Variants in ENPP1 observed in about 807,000 individuals in gnomAD.
The protein encoded by ENPP1 is ectonucleotide pyrophosphatase/phosphodiesterase family member 1.
Under a neutral mutation model 122.8 loss-of-function variants are expected in ENPP1, and 73 were observed. The ratio of observed to expected loss-of-function variants is 0.59; its 90% CI spans 0.49 to 0.72. The LOEUF is 0.72. Among genes scored for constraint, ENPP1 ranks in the 30% least tolerant of loss-of-function variants. The pLI, the probability that ENPP1 is intolerant of heterozygous loss-of-function variation, is 0.00. For synonymous variants in ENPP1, 367 were observed against 391.6 expected (o/e 0.94, Z 0.74); for missense variants, 978 against 1,128.1 (o/e 0.87, Z 1.91).
In ENPP1 at chr6:131,883,745, A is replaced by G; in HGVS notation, c.2282A>G (p.Asn761Ser). Residue 761 changes from asparagine (N) to serine (S), a missense_variant, in exon 22 of 25, where the codon AAT becomes AGT. Asn to Ser is a conservative substitution (Grantham distance 46). Coordinates refer to ENST00000647893, the MANE Select transcript of ENPP1 (RefSeq NM_006208.3). ...GIYSEALLTTNIVPMYQSFQV... is the reference protein window; with the variant it reads ...GIYSEALLTTSIVPMYQSFQV... ...TATTCTGAAGCTTTGCTTACTACAA[A>G]TATAGTGCCAATGTACCAGAGTTTT... 6.6e-7 allele frequency: 1 copy of G among 1,523,404 alleles called. No homozygotes were observed. Among genetic ancestry groups the G allele is most frequent in the Non-Finnish European group, 9.1e-7 (1 of 1,097,970 alleles). The allele number at this position is 1,523,404 out of a possible 1,614,324, so 94.4% of individuals were successfully genotyped here.
At chr6:131,871,091 C>T (rs1287589928) in intron 13 of ENPP1, among the ~76,000 whole-genome samples, 2 of 151,832 alleles carry the variant, frequency 1.3e-5, no homozygotes, top group African/African-American at 4.8e-5. Context: ...AAAAGCTCTA[C>T]AGGCAATAGC....
At chr6:131,881,443 A>G (rs1033931554) in intron 20 of ENPP1, among the ~76,000 whole-genome samples, 2 of 152,158 alleles carry the variant, frequency 1.3e-5, no homozygotes, top group Admixed American at 1.3e-4. Context: ...TATGTAATTA[A>G]AATGCATAAC....
rs1003655627 is a variant in ENPP1 at position 131,851,768 on chromosome 6, A to T, written c.557-407A>T. ...GATGTCTTGTCCAGGTATTATTATT[A>T]TTTTTTTTTCAAATTTCTTGACAGA... On this transcript the variant is annotated intron_variant, in intron 4 of 24. Transcript: ENST00000647893. Among the ~76,000 whole-genome samples, 60 of 151,088 alleles carry T rather than the reference A, an allele frequency of 4.0e-4. 1 individual carries two copies. The highest frequency in any genetic ancestry group is 6.2e-4 in the Non-Finnish European group (42 of 67,774).
intron 20 of ENPP1, among the ~76,000 whole-genome samples, chr6:131,881,945 G>C (rs1782315020): frequency 1.3e-5 from 2 of 152,060 alleles, no homozygotes; most frequent in South Asian, 2.1e-4. Flanking sequence ...CTTGAACCTG[G>C]GGGGCAGAGT....
At chr6:131,873,445 T>C (rs1011085000) in intron 15 of ENPP1, among the ~76,000 whole-genome samples, 1 of 152,188 alleles carries the variant, frequency 6.6e-6, no homozygotes. Flanking sequence ...ACAATCTACA[T>C]TTGTTACTGC....
Position 131,893,666 on chromosome 6 carries a change from A to G in ENPP1, c.*3155A>G, listed in dbSNP as rs755837236. 6.6e-6 allele frequency: 1 copy of G among 152,216 alleles called. No homozygotes were observed. The highest frequency in any genetic ancestry group is 1.5e-5 in the Non-Finnish European group (1 of 68,030). 9.4% of individuals were successfully genotyped at this position (152,216 alleles called of 1,614,324 possible). ...ATTCTATGCTGACTGTTAAGGAAAGAGCACCCACATCTGCTCCTACTTAGC... is the reference window on the plus strand; with the variant it reads ...ATTCTATGCTGACTGTTAAGGAAAGGGCACCCACATCTGCTCCTACTTAGC... On this transcript the variant is annotated 3_prime_UTR_variant, in exon 25 of 25. Transcript: ENST00000647893.
At chr6:131,883,629 G>A (rs1782340442) in intron 21 of ENPP1, 65 bp from the exon 22 acceptor site, 5 of 861,948 alleles carry the variant, frequency 5.8e-6, no homozygotes, top group South Asian at 1.4e-5. Context: ...CCCTAACCAT[G>A]AGAAACTATA....
rs954760120 is a variant in ENPP1 at position 131,882,488 on chromosome 6, T to C, written c.2230+14T>C. The C allele has an allele frequency of 3.1e-6, 5 of 1,592,406 alleles. No individual in the cohort carries two copies. The highest frequency in any genetic ancestry group is 1.3e-5 in the African/African-American group (1 of 74,116). ...TCTCCCCACCACGTAAGTTTTTTCC[T>C]CTCCTGACCTTCCCTTTTCTCCTTT... On this transcript the variant is annotated intron_variant, in intron 21 of 24. Transcript: ENST00000647893.
At chr6:131,822,475 ATC>A (rs1781494783) in intron 1 of ENPP1, among the ~76,000 whole-genome samples, 3 of 152,142 alleles carry the variant, frequency 2.0e-5, no homozygotes, top group Non-Finnish European at 4.4e-5. Context: ...TAAAAATACT[ATC>A]TATTGCAAAA....
rs1302146735 is a variant in ENPP1 at position 131,850,993 on chromosome 6, T to C, written c.431-149T>C. 8 of 823,854 alleles carry C rather than the reference T, an allele frequency of 9.7e-6. No individual in the cohort carries two copies. In the Admixed American group the frequency reaches 1.4e-4, roughly 15 times the overall value. 51.0% of individuals were successfully genotyped at this position (823,854 alleles called of 1,614,324 possible). A position where few individuals can be genotyped will look rare whatever the true frequency, so the allele number is the denominator to read the frequency against. The stretch of plus-strand genomic sequence containing the variant: ...TTACCCCATTAGTTCAGAGTGGCCA[T>C]GGTAGTGGCAGATTCTGTGAGTGAC... On this transcript the variant is annotated intron_variant, in intron 3 of 24. Coordinates refer to ENST00000647893, the MANE Select transcript of ENPP1 (RefSeq NM_006208.3).
intron 24 of ENPP1, among the ~76,000 whole-genome samples, chr6:131,888,793 A>T (rs1393910814): frequency 6.6e-6 from 1 of 152,096 alleles, no homozygotes; most frequent in Non-Finnish European, 1.5e-5. Context: ...CTGCTTCATT[A>T]TTTCGTTTGA....
chr6:131,857,070 T>G (rs2114698453), intron 6 of ENPP1, among the ~76,000 whole-genome samples: 1 of 152,206 alleles, frequency 6.6e-6, no homozygotes, highest in East Asian at 1.9e-4. Context: ...AATCTGTAAA[T>G]TACCTTGGGC....
Position 131,808,093 on chromosome 6 carries a change from C to A in ENPP1, c.58C>A (p.Pro20Thr). The A allele has an allele frequency of 8.8e-7, 1 of 1,141,474 alleles. No homozygotes were observed. The allele number at this position is 1,141,474 out of a possible 1,614,324, so 70.7% of individuals were successfully genotyped here. A position where few individuals can be genotyped will look rare whatever the true frequency, so the allele number is the denominator to read the frequency against. The stretch of plus-strand genomic sequence containing the variant: ...CCGCGGCGGCGAGGGCGGGCGCGCT[C>A]CCCGGGAGGGCCCGGCGGGGAACGG... ...GSRGGEGGRA[P>T]REGPAGNGRD... The change falls in exon 1 of 25, where the codon CCC (proline) becomes ACC (threonine). Residue 20 changes from proline to threonine, a missense_variant. Around this residue, in one of 3 missense-constraint regions of ENPP1, gnomAD observed 330 missense variants for 328.5 expected, o/e 1.00. Transcript: ENST00000647893.
chr6:131,828,122 C>T (rs1051722140), intron 1 of ENPP1: 3 of 584,756 alleles, frequency 5.1e-6, no homozygotes, highest in South Asian at 1.4e-5. Context: ...GTCCTGCTGT[C>T]AGTGGAGGTC....
At chr6:131,869,537 C>T in intron 13 of ENPP1, 48 bp downstream of exon 13, 1 of 1,592,154 alleles carries the variant, frequency 6.3e-7, no homozygotes, top group Non-Finnish European at 8.6e-7. Context: ...ATTAAGAATA[C>T]CTTCCTTTAG....
intron 18 of ENPP1, 73 bp from the exon 19 acceptor site, chr6:131,878,469 T>C: frequency 1.1e-6 from 1 of 870,828 alleles, no homozygotes; most frequent in Non-Finnish European, 1.9e-6. Context: ...ATAATCAATC[T>C]ATAGCGGTTC....
intron 13 of ENPP1, among the ~76,000 whole-genome samples, chr6:131,871,420 C>G (rs535179065): frequency 6.6e-6 from 1 of 152,176 alleles, no homozygotes; most frequent in South Asian, 2.1e-4. Context: ...TCCTCATACC[C>G]CTCTTATTTG....
chr6:131,835,114 CTT>C (rs957825409), intron 1 of ENPP1, among the ~76,000 whole-genome samples: 2 of 152,282 alleles, frequency 1.3e-5, no homozygotes, highest in Admixed American at 6.5e-5. Context: ...TTACTGGTCT[CTT>C]TGTGATTATG....
At position 131,808,171 on chromosome 6, in the gene ENPP1, G is replaced by T. The variant is rs1377766470; in HGVS notation, c.136G>T (p.Ala46Ser). ...AAEAPGDPQA[A>S]ASLLAPMDVG... ...CGAGGCGCCCGGGGACCCGCAGGCG[G>T]CCGCGTCCTTGCTGGCCCCTATGGA... The change falls in exon 1 of 25, where the codon GCC (alanine) becomes TCC (serine). Residue 46 changes from alanine to serine, a missense_variant. Ala to Ser is a moderately conservative substitution (Grantham distance 99). Transcript: ENST00000647893. The T allele has an allele frequency of 6.8e-7, 1 of 1,467,414 alleles. No individual in the cohort carries two copies. The highest frequency in any genetic ancestry group is 3.0e-5 in the East Asian group (1 of 33,742). 90.9% of individuals were successfully genotyped at this position (1,467,414 alleles called of 1,614,324 possible).
Sources: allele counts gnomAD v4.1 joint callset (sites outside exome capture counted in the v4.1 genomes callset), GRCh38; gene constraint gnomAD v4.1.1; regional missense constraint gnomAD v4.1.1; transcripts MANE v1.5; gene names NCBI Gene and HGNC (gene_info 2026-07-23, HGNC 2026-07-21).